The following CNTN5 variants were observed in gnomAD, a reference collection of about 807,000 sequenced individuals.
CNTN5 encodes the protein contactin 5.
CNTN5 carries 77 observed loss-of-function variants against 129.1 expected under a neutral mutation model. That is an observed-to-expected ratio of 0.60 (90% CI 0.50 to 0.72). CNTN5 has a LOEUF of 0.72. CNTN5 is among the 30% of genes least tolerant of loss of function. The pLI, the probability that CNTN5 is intolerant of heterozygous loss-of-function variation, is 0.00. For missense variants in CNTN5, 1,478 were observed against 1,328.8 expected (o/e 1.11, Z -1.75); for synonymous variants, 509 against 465.6 (o/e 1.09, Z -1.20).
intron 1 of CNTN5, among the ~76,000 whole-genome samples, chr11:99,099,912 A>G (rs1591188192): frequency 6.6e-6 from 1 of 152,174 alleles, no homozygotes; most frequent in East Asian, 1.9e-4. Context: ...CCTGAACTCA[A>G]AGTACCTTTT....
intron 2 of CNTN5, among the ~76,000 whole-genome samples, chr11:99,406,689 C>G (rs1277339202): frequency 6.6e-6 from 1 of 152,138 alleles, no homozygotes; most frequent in African/African-American, 2.4e-5. Context: ...ATCTGGGAGC[C>G]AGGGACTATA....
chr11:100,073,038 T>C (rs1943990995), intron 12 of CNTN5, among the ~76,000 whole-genome samples: 1 of 139,590 alleles, frequency 7.2e-6, no homozygotes, highest in Non-Finnish European at 1.5e-5. Context: ...TCCTCATAAA[T>C]TTCTTTAGCT....
chr11:99,092,587 T>G (rs1237067115), intron 1 of CNTN5, among the ~76,000 whole-genome samples: 1 of 152,108 alleles, frequency 6.6e-6, no homozygotes, highest in African/African-American at 2.4e-5. Flanking sequence ...TTTGAAAAAT[T>G]GGAATCAATT....
intron 3 of CNTN5, among the ~76,000 whole-genome samples, chr11:99,753,905 C>T (rs1944322659): frequency 6.7e-6 from 1 of 150,102 alleles, no homozygotes; most frequent in Admixed American, 6.6e-5. Context: ...CTAGGCTGGT[C>T]TTGAACTCCT....
chr11:99,146,696 A>G (rs1002207320), intron 1 of CNTN5, among the ~76,000 whole-genome samples: 1 of 152,112 alleles, frequency 6.6e-6, no homozygotes, highest in Non-Finnish European at 1.5e-5. Context: ...TTTATTTACA[A>G]TGAGAGAACT....
intron 21 of CNTN5, among the ~76,000 whole-genome samples, chr11:100,317,752 C>T (rs975415365): frequency 6.6e-6 from 1 of 152,160 alleles, no homozygotes; most frequent in Non-Finnish European, 1.5e-5. Context: ...ACTCACTTTA[C>T]TGTGTTTTTG....
intron 6 of CNTN5, among the ~76,000 whole-genome samples, chr11:99,873,699 C>T (rs1229706801): frequency 1.3e-5 from 2 of 152,010 alleles, no homozygotes; most frequent in East Asian, 1.9e-4. Context: ...TCTAGCAGTC[C>T]CACTACTGGC....
At chr11:99,502,423 G>C (rs1247958524) in intron 2 of CNTN5, among the ~76,000 whole-genome samples, 1 of 152,038 alleles carries the variant, frequency 6.6e-6, no homozygotes, top group East Asian at 1.9e-4. Context: ...GGGGTTGGGG[G>C]GGTGGTTTCC....
At chr11:99,800,995 A>AC (rs1283782014) in intron 3 of CNTN5, among the ~76,000 whole-genome samples, 1 of 152,026 alleles carries the variant, frequency 6.6e-6, no homozygotes, top group Non-Finnish European at 1.5e-5. Flanking sequence ...TGAAGGTTTT[A>AC]TTGTGTGGTT....
At chr11:99,229,156 A>G (rs936388671) in intron 1 of CNTN5, among the ~76,000 whole-genome samples, 33 of 152,040 alleles carry the variant, frequency 2.2e-4, no homozygotes, top group African/African-American at 8.0e-4. Context: ...TTCACATGAC[A>G]TTTTAATGTG....
At chr11:99,494,276 G>A (rs1946144396) in intron 2 of CNTN5, among the ~76,000 whole-genome samples, 1 of 152,122 alleles carries the variant, frequency 6.6e-6, no homozygotes, top group Admixed American at 6.6e-5. Context: ...AGCATTTAAG[G>A]TGTAACTCCA....
intron 3 of CNTN5, among the ~76,000 whole-genome samples, chr11:99,606,954 G>A (rs1950438786): frequency 8.2e-6 from 1 of 122,118 alleles, no homozygotes. Context: ...AATTCAAGAT[G>A]GATTAAAGAT....
intron 3 of CNTN5, among the ~76,000 whole-genome samples, chr11:99,626,161 A>G (rs1003122): frequency 0.61 from 92,643 of 151,588 alleles, 29,199 homozygotes; most frequent in Admixed American, 0.74. Context: ...AAGCGAAGAC[A>G]TGCACAGAGG....
intron 1 of CNTN5, among the ~76,000 whole-genome samples, chr11:99,054,265 G>C (rs1482194479): frequency 6.6e-6 from 1 of 151,718 alleles, no homozygotes; most frequent in Non-Finnish European, 1.5e-5. Flanking sequence ...GGGCTGGGTG[G>C]CTGTTTGAAG....
intron 8 of CNTN5, among the ~76,000 whole-genome samples, chr11:99,999,573 T>C (rs1261353725): frequency 6.6e-6 from 1 of 152,140 alleles, no homozygotes; most frequent in Non-Finnish European, 1.5e-5. Flanking sequence ...TGTAAACTAG[T>C]TCAACCATTG....
chr11:100,020,044 C>CAT (rs902168919), intron 9 of CNTN5, among the ~76,000 whole-genome samples: 1 of 151,820 alleles, frequency 6.6e-6, no homozygotes, highest in Non-Finnish European at 1.5e-5. Flanking sequence ...AAATCTTTAT[C>CAT]ATATATATGA....
intron 18 of CNTN5, among the ~76,000 whole-genome samples, chr11:100,283,794 A>C (rs550772688): frequency 6.6e-6 from 1 of 152,008 alleles, no homozygotes; most frequent in African/African-American, 2.4e-5. Flanking sequence ...GAAAATACAA[A>C]AATTAGCCGG....
rs556193755 is a variant in CNTN5, at chr11:99,432,311, G to C, written c.-71+106827G>C. On this transcript the variant is annotated intron_variant, in intron 2 of 24. Transcript: ENST00000524871. ...AGACAATTAAGAGATATAAATTGAG[G>C]TTATAGGATTTGGGATTTCTATTTT... Among the ~76,000 whole-genome samples, 3 of 152,174 alleles carry C rather than the reference G, an allele frequency of 2.0e-5. No individual in the cohort carries two copies. The South Asian group carries it at 6.2e-4, about 32-fold the overall frequency.
intron 1 of CNTN5, among the ~76,000 whole-genome samples, chr11:99,225,448 C>A (rs2135713631): frequency 6.6e-6 from 1 of 152,212 alleles, no homozygotes; most frequent in Non-Finnish European, 1.5e-5. Context: ...TTTCACGCAG[C>A]AGAACCAATT....
Sources: allele counts gnomAD v4.1 joint callset (sites outside exome capture counted in the v4.1 genomes callset), GRCh38; gene constraint gnomAD v4.1.1; transcripts MANE v1.5; gene names NCBI Gene and HGNC (gene_info 2026-07-23, HGNC 2026-07-21).